NSD2: variants seen among roughly 807,000 people sequenced by gnomAD.
NSD2 encodes the protein nuclear receptor binding SET domain protein 2.
NSD2 carries 12 observed loss-of-function variants against 139.0 expected under a neutral mutation model. The observed-to-expected ratio is 0.09, with a 90% confidence interval of 0.06 to 0.14. NSD2 has a LOEUF of 0.14. Ranked by LOEUF, NSD2 falls within the 10% of genes least tolerant of loss-of-function variation. NSD2 has a pLI of 1.00. For missense variants in NSD2, 1,155 were observed against 1,745.0 expected (o/e 0.66, Z 6.02); for synonymous variants, 669 against 648.7 (o/e 1.03, Z -0.48).
intron 18 of NSD2, among the ~76,000 whole-genome samples, chr4:1,963,416 C>CA (rs1295322766): frequency 1.3e-5 from 2 of 152,172 alleles, no homozygotes; most frequent in Non-Finnish European, 2.9e-5. Flanking sequence ...CAAGAGGCAG[C>CA]AAATATGCTT....
At chr4:1,946,048 C>G in intron 9 of NSD2, 2 of 1,034,492 alleles carry the variant, frequency 1.9e-6, no homozygotes, top group Non-Finnish European at 2.3e-6. Flanking sequence ...CTTTTAAAAT[C>G]AATAGATTCA....
intron 12 of NSD2, 110 bp downstream of exon 12, chr4:1,953,634 T>A: frequency 1.5e-6 from 2 of 1,342,656 alleles, no homozygotes; most frequent in Non-Finnish European, 2.0e-6. Flanking sequence ...GAGCATTAAT[T>A]ATCTTGAGTG....
intron 2 of NSD2, 37 bp from the exon 3 acceptor site, chr4:1,904,179 G>A (rs759177918): frequency 1.2e-6 from 2 of 1,600,008 alleles, no homozygotes; most frequent in Non-Finnish European, 1.7e-6. Context: ...GTAGTGATTG[G>A]ATGTGTTAGT....
In NSD2 at chr4:1,973,636, C is replaced by T. The variant is rs1301132148; in HGVS notation, c.3373-1227C>T. Reference sequence around the variant, plus strand: ...GGCCTGTGTGGGTATGTAGAAAGGACACGGGGCCAGCGGTCCCAGACAGGG... The same window carrying T: ...GGCCTGTGTGGGTATGTAGAAAGGATACGGGGCCAGCGGTCCCAGACAGGG... On this transcript the variant is annotated intron_variant, in intron 18 of 21. Coordinates refer to ENST00000508803, the MANE Select transcript of NSD2 (RefSeq NM_001042424.3). This position sits in a 1 kb window ranked among gnomAD's most constrained non-coding sequence, Gnocchi z 5.5. Among the ~76,000 whole-genome samples, 1 of 152,238 alleles carries T rather than the reference C, an allele frequency of 6.6e-6. No homozygotes were observed. The highest frequency in any genetic ancestry group is 1.5e-5 in the Non-Finnish European group (1 of 68,038).
intron 18 of NSD2, among the ~76,000 whole-genome samples, chr4:1,964,623 G>GTGCGC (rs556737910): frequency 1.3e-5 from 2 of 152,004 alleles, no homozygotes; most frequent in South Asian, 2.1e-4. Context: ...AGACAAAGAG[G>GTGCGC]TGCGCTGCGC....
Position 1,976,746 on chromosome 4 carries a change from G to A in NSD2, c.3826+67G>A. Reference sequence around the variant, plus strand: ...TGGCAGGCTCCTGATGGCGGCTGCTGCCGCTCTTCCTGCTGACCGGGCCTC... The same window carrying A: ...TGGCAGGCTCCTGATGGCGGCTGCTACCGCTCTTCCTGCTGACCGGGCCTC... On this transcript the variant is annotated intron_variant, in intron 21 of 21. Coordinates refer to ENST00000508803, the MANE Select transcript of NSD2 (RefSeq NM_001042424.3). The surrounding 1 kb of genome is among the most constrained non-coding windows in gnomAD (Gnocchi z 5.3). 1 of 1,488,904 alleles carries A rather than the reference G, an allele frequency of 6.7e-7. No homozygotes were observed. The allele number at this position is 1,488,904 out of a possible 1,614,324, so 92.2% of individuals were successfully genotyped here.
At chr4:1,978,233 G>C (rs17132108) in intron 21 of NSD2, among the ~76,000 whole-genome samples, 11,425 of 152,248 alleles carry the variant, frequency 0.075, 1,446 homozygotes, top group African/African-American at 0.26. Flanking sequence ...GGTCCCTAAC[G>C]TGACAGAGCT....
intron 1 of NSD2, among the ~76,000 whole-genome samples, chr4:1,896,928 T>C (rs1487421016): frequency 6.6e-6 from 1 of 151,990 alleles, no homozygotes; most frequent in Non-Finnish European, 1.5e-5. Context: ...CCCAGCACTT[T>C]GAAAGGCCAA....
At chr4:1,905,783 G>A (rs532785347) in intron 3 of NSD2, among the ~76,000 whole-genome samples, 1 of 152,326 alleles carries the variant, frequency 6.6e-6, no homozygotes, top group African/African-American at 2.4e-5. Flanking sequence ...CTTCAGCTCT[G>A]TCTCCATGGA....
intron 6 of NSD2, among the ~76,000 whole-genome samples, chr4:1,933,730 C>T (rs974715834): frequency 6.6e-6 from 1 of 152,126 alleles, no homozygotes; most frequent in Non-Finnish European, 1.5e-5. Context: ...TTAATAAAAA[C>T]CCTGAACCCC....
Position 1,976,455 on chromosome 4 carries a change from T to C in NSD2, c.3622-20T>C, listed in dbSNP as rs1325406936. 3 of 1,609,870 alleles carry C rather than the reference T, an allele frequency of 1.9e-6. No homozygotes were observed. In the Admixed American group the frequency reaches 5.1e-5, roughly 27 times the overall value. On this transcript the variant is annotated intron_variant, in intron 20 of 21. Transcript: ENST00000508803. This position sits in a 1 kb window ranked among gnomAD's most constrained non-coding sequence, Gnocchi z 5.3. ...CTGTGTAATTCTTTCCGGTGATCTGTGCTTAATTCTTGACTCTAGACCTCG... is the reference window on the plus strand; with the variant it reads ...CTGTGTAATTCTTTCCGGTGATCTGCGCTTAATTCTTGACTCTAGACCTCG...
chr4:1,930,549 A>G, intron 5 of NSD2, 77 bp from the exon 6 acceptor site: 4 of 1,451,752 alleles, frequency 2.8e-6, no homozygotes, highest in Non-Finnish European at 3.7e-6. Context: ...AGGGCCGTGC[A>G]TTTGATTTCA....
chr4:1,945,885 A>C, intron 9 of NSD2: 1 of 1,060,180 alleles, frequency 9.4e-7, no homozygotes, highest in African/African-American at 1.6e-5. Flanking sequence ...AACTTGCTTC[A>C]TTTCTTTTTC....
intron 2 of NSD2, 79 bp downstream of exon 2, chr4:1,901,330 G>A: frequency 7.9e-7 from 1 of 1,269,394 alleles, no homozygotes; most frequent in South Asian, 1.5e-5. Flanking sequence ...ACCTGCACGA[G>A]TACTGGGGCG....
At chr4:1,907,165 G>C (rs1718032745) in intron 3 of NSD2, among the ~76,000 whole-genome samples, 1 of 152,122 alleles carries the variant, frequency 6.6e-6, no homozygotes, top group African/African-American at 2.4e-5. Flanking sequence ...AAATGAGGAA[G>C]ATGATACCAT....
chr4:1,929,350 A>T (rs754310312), intron 5 of NSD2, among the ~76,000 whole-genome samples: 2 of 152,158 alleles, frequency 1.3e-5, no homozygotes, highest in Non-Finnish European at 2.9e-5. Context: ...ATGGTAACCA[A>T]CCAACATTAA....
intron 5 of NSD2, among the ~76,000 whole-genome samples, chr4:1,922,089 G>C (rs1269076853): frequency 6.6e-6 from 1 of 152,312 alleles, no homozygotes; most frequent in East Asian, 1.9e-4. Flanking sequence ...AGAGGTTGCC[G>C]TGAGCTGAGA....
intron 3 of NSD2, among the ~76,000 whole-genome samples, chr4:1,910,865 A>G (rs865978593): frequency 3.3e-5 from 5 of 152,166 alleles, no homozygotes; most frequent in Admixed American, 6.5e-5. Flanking sequence ...CTGAACTGGG[A>G]AACTCAGGCA....
At chr4:1,881,354 C>T (rs747345820) in intron 1 of NSD2, among the ~76,000 whole-genome samples, 1 of 152,184 alleles carries the variant, frequency 6.6e-6, no homozygotes, top group Non-Finnish European at 1.5e-5. Context: ...CCTCCGCCTC[C>T]TGGGTTTACG....
Sources: allele counts gnomAD v4.1 joint callset (sites outside exome capture counted in the v4.1 genomes callset), GRCh38; gene constraint gnomAD v4.1.1; non-coding constraint Gnocchi (gnomAD v3.1); transcripts MANE v1.5; gene names NCBI Gene and HGNC (gene_info 2026-07-23, HGNC 2026-07-21).